The following ZIC5 variants were observed in gnomAD, a reference collection of about 807,000 sequenced individuals.
ZIC5 encodes the protein Zic family zinc finger 5, also known as zinc finger protein ZIC 5.
ZIC5 carries 20 observed loss-of-function variants against 28.5 expected under a neutral mutation model. The ratio of observed to expected loss-of-function variants is 0.70; its 90% CI spans 0.49 to 1.02. The LOEUF is 1.02. ZIC5 is among the 50% of genes least tolerant of loss of function. ZIC5 has a pLI of 0.00. For missense variants in ZIC5, 951 were observed against 899.7 expected (o/e 1.06, Z -0.73); for synonymous variants, 488 against 410.4 (o/e 1.19, Z -2.29).
Position 99,963,771 on chromosome 13 carries a change from A to G in ZIC5, c.*1606T>C, listed in dbSNP as rs2053074994. ...ACTCTTCCAGGAAAGAAAAAAAAAA[A>G]GGATGATGTCTGAAAATAAATTAAT... On this transcript the variant is annotated 3_prime_UTR_variant, in exon 2 of 2. Coordinates refer to ENST00000267294, the MANE Select transcript of ZIC5 (RefSeq NM_033132.5). The G allele has an allele frequency of 6.6e-6, 1 of 152,164 alleles. No individual in the cohort carries two copies. The highest frequency in any genetic ancestry group is 2.1e-4 in the South Asian group (1 of 4,812). The allele number at this position is 152,164 out of a possible 1,614,324, so 9.4% of individuals were successfully genotyped here.
Position 99,971,261 on chromosome 13 carries a change from C to T in ZIC5, c.343G>A (p.Gly115Ser). The T allele has an allele frequency of 7.5e-7, 1 of 1,328,406 alleles. No homozygotes were observed. The highest frequency in any genetic ancestry group is 9.5e-7 in the Non-Finnish European group (1 of 1,048,130). The allele number at this position is 1,328,406 out of a possible 1,614,324, so 82.3% of individuals were successfully genotyped here. A position where few individuals can be genotyped will look rare whatever the true frequency, so the allele number is the denominator to read the frequency against. The change falls in exon 1 of 2, where the codon GGC (glycine) becomes AGC (serine). Residue 115 changes from glycine to serine, a missense_variant. By Grantham distance (56) the Gly-to-Ser change is moderately conservative. This residue lies in a region of ZIC5 where 784 missense variants were observed against 660.1 expected (regional missense o/e 1.19). Transcript: ENST00000267294. ...AHPGAGSYPCGGGSSGAQPSA... is the reference protein window; with the variant it reads ...AHPGAGSYPCSGGSSGAQPSA... ...GGCTGCGCGCCACTGCTGCCCCCGC[C>T]GCAGGGGTAGCTGCCCGCGCCGGGG...
chr13:99,971,398 G>A lies in ZIC5; in HGVS notation c.206C>T (p.Pro69Leu), dbSNP rs1485056176. ...CGTGCTCGCCTGGGCCATGTGCTCGGGTCCGAGCGGAGTGGTGGCCACGCC... is the reference window on the plus strand; with the variant it reads ...CGTGCTCGCCTGGGCCATGTGCTCGAGTCCGAGCGGAGTGGTGGCCACGCC... The part of the protein sequence containing the change: ...DPGVATTPLG[P>L]EHMAQASTLG... The change falls in exon 1 of 2, where the codon CCC (proline) becomes CTC (leucine). Residue 69 changes from proline to leucine, a missense_variant. By Grantham distance (98) the Pro-to-Leu change is moderately conservative (BLOSUM62 -3). Around this residue, in one of 3 missense-constraint regions of ZIC5, gnomAD observed 784 missense variants for 660.1 expected, o/e 1.19. Coordinates refer to ENST00000267294, the MANE Select transcript of ZIC5 (RefSeq NM_033132.5). 4.0e-6 allele frequency: 6 copies of A among 1,518,290 alleles called. No individual in the cohort carries two copies. The highest frequency in any genetic ancestry group is 5.3e-6 in the Non-Finnish European group (6 of 1,138,786). 94.1% of individuals were successfully genotyped at this position (1,518,290 alleles called of 1,614,324 possible). A position where few individuals can be genotyped will look rare whatever the true frequency, so the allele number is the denominator to read the frequency against.
In ZIC5 at chr13:99,971,638, G is replaced by A. The variant is rs2053161940; in HGVS notation, c.-35C>T. On this transcript the variant is annotated 5_prime_UTR_variant, in exon 1 of 2. Transcript: ENST00000267294. ...ACAATCAGGCCCATAGACCCTCACT[G>A]GGGGGACTTTATTCCCTCTGCCCGC... The A allele has an allele frequency of 6.4e-7, 1 of 1,560,222 alleles. No homozygotes were observed. Among genetic ancestry groups the A allele is most frequent in the Non-Finnish European group, 8.7e-7 (1 of 1,151,124 alleles).
chr13:99,970,717 G>T lies in ZIC5; in HGVS notation c.887C>A (p.Ala296Glu), dbSNP rs763979830. 6 of 1,184,324 alleles carry T rather than the reference G, an allele frequency of 5.1e-6. No individual in the cohort carries two copies. Among genetic ancestry groups the T allele is most frequent in the South Asian group, 4.6e-5 (2 of 43,700 alleles). The allele number at this position is 1,184,324 out of a possible 1,614,324, so 73.4% of individuals were successfully genotyped here. Residue 296 changes from alanine (A) to glutamate (E), a missense_variant, in exon 1 of 2, where the codon GCG becomes GAG. Transcript: ENST00000267294. ...TCCGTAGCCGTGCAGGGCGGCCGCC[G>T]CTGCGGCCGCAACCGCCCCGTAGTG... ...DAHYGAVAAA[A>E]AAALHGYGAV...
Position 99,970,714 on chromosome 13 carries a change from G to T in ZIC5, c.890C>A (p.Ala297Glu). Residue 297 changes from alanine (A) to glutamate (E), a missense_variant, in exon 1 of 2, where the codon GCG becomes GAG. Physicochemically the swap from Ala to Glu is moderately radical, Grantham distance 107. Transcript: ENST00000267294. ...AHYGAVAAAAAAALHGYGAVN... is the reference protein window; with the variant it reads ...AHYGAVAAAAEAALHGYGAVN... ...GGCTCCGTAGCCGTGCAGGGCGGCCGCCGCTGCGGCCGCAACCGCCCCGTA... is the reference window on the plus strand; with the variant it reads ...GGCTCCGTAGCCGTGCAGGGCGGCCTCCGCTGCGGCCGCAACCGCCCCGTA... The T allele has an allele frequency of 8.5e-7, 1 of 1,182,972 alleles. No homozygotes were observed. Among genetic ancestry groups the T allele is most frequent in the Non-Finnish European group, 1.0e-6 (1 of 953,530 alleles). The allele number at this position is 1,182,972 out of a possible 1,614,324, so 73.3% of individuals were successfully genotyped here.
Position 99,971,330 on chromosome 13 carries a change from C to T in ZIC5, c.274G>A (p.Glu92Lys). 1 of 1,394,756 alleles carries T rather than the reference C, an allele frequency of 7.2e-7. No individual in the cohort carries two copies. Among genetic ancestry groups the T allele is most frequent in the Admixed American group, 3.6e-5 (1 of 27,524 alleles). The allele number at this position is 1,394,756 out of a possible 1,614,324, so 86.4% of individuals were successfully genotyped here. A position where few individuals can be genotyped will look rare whatever the true frequency, so the allele number is the denominator to read the frequency against. The change falls in exon 1 of 2, where the codon GAG becomes AAG. Residue 92 changes from glutamate (E) to lysine (K), a missense_variant. By Grantham distance (56) the Glu-to-Lys change is moderately conservative. This residue lies in a region of ZIC5 where 784 missense variants were observed against 660.1 expected (regional missense o/e 1.19). Coordinates refer to ENST00000267294, the MANE Select transcript of ZIC5 (RefSeq NM_033132.5). Reference protein sequence around the residue: ...PPSQAFPAHPEAPAAAARAAA... With the variant: ...PPSQAFPAHPKAPAAAARAAA... ...GCACGGGCGGCGGCTGCCGGAGCCT[C>T]CGGGTGTGCCGGGAACGCCTGGGAG...
rs371662709 is a variant in ZIC5, at chr13:99,970,850, G to C, written c.754C>G (p.Pro252Ala). Residue 252 changes from proline (P) to alanine (A), a missense_variant, in exon 1 of 2, where the codon CCG becomes GCG. Transcript: ENST00000267294. The stretch of plus-strand genomic sequence containing the variant: ...CCCAGGCGCATCTGGCCGTTGAGCG[G>C]GTGCGGGTGGCCGCCTGGGGCCCCC... ...TPGAPGGHPH[P>A]LNGQMRLGLA... 6.4e-6 allele frequency: 8 copies of C among 1,255,120 alleles called. No individual in the cohort carries two copies. In the Admixed American group the frequency reaches 3.5e-4, roughly 54 times the overall value. 77.7% of individuals were successfully genotyped at this position (1,255,120 alleles called of 1,614,324 possible).
chr13:99,966,309 G>A (rs1179742634), intron 1 of ZIC5, among the ~76,000 whole-genome samples: 1 of 152,190 alleles, frequency 6.6e-6, no homozygotes, highest in African/African-American at 2.4e-5. Context: ...GTAAACTGGG[G>A]GGTACAGTCA....
rs1428176426 is a variant in ZIC5, at chr13:99,971,350, T to G, written c.254A>C (p.Gln85Pro). ...ASTLGLSPPS[Q>P]AFPAHPEAPA... ...AGCCTCCGGGTGTGCCGGGAACGCC[T>G]GGGAGGGAGGGCTGAGGCCCAGCGT... The change falls in exon 1 of 2, where the codon CAG (glutamine) becomes CCG (proline). Residue 85 changes from glutamine (Q) to proline (P), a missense_variant. Around this residue, in one of 3 missense-constraint regions of ZIC5, gnomAD observed 784 missense variants for 660.1 expected, o/e 1.19. Transcript: ENST00000267294. 1 of 1,430,966 alleles carries G rather than the reference T, an allele frequency of 7.0e-7. No homozygotes were observed. The highest frequency in any genetic ancestry group is 1.5e-5 in the African/African-American group (1 of 66,278). The allele number at this position is 1,430,966 out of a possible 1,614,324, so 88.6% of individuals were successfully genotyped here. A position where few individuals can be genotyped will look rare whatever the true frequency, so the allele number is the denominator to read the frequency against.
At position 99,971,509 on chromosome 13, in the gene ZIC5, A is replaced by G; in HGVS notation, c.95T>C (p.Phe32Ser). ...QVQPLQNMTG[F>S]PALAGPPAHS... ...GGCGGGCGGGCCGGCCAGCGCCGGGAAGCCTGTCATATTCTGAAGCGGCTG... is the reference window on the plus strand; with the variant it reads ...GGCGGGCGGGCCGGCCAGCGCCGGGGAGCCTGTCATATTCTGAAGCGGCTG... The change falls in exon 1 of 2, where the codon TTC (phenylalanine) becomes TCC (serine). Residue 32 changes from phenylalanine to serine, a missense_variant. Phe to Ser is a radical substitution (Grantham distance 155, BLOSUM62 -2). This residue lies in a region of ZIC5 where 784 missense variants were observed against 660.1 expected (regional missense o/e 1.19). Coordinates refer to ENST00000267294, the MANE Select transcript of ZIC5 (RefSeq NM_033132.5). 3 of 1,551,404 alleles carry G rather than the reference A, an allele frequency of 1.9e-6. No homozygotes were observed. Among genetic ancestry groups the G allele is most frequent in the South Asian group, 1.2e-5 (1 of 84,076 alleles).
chr13:99,971,363 T>C lies in ZIC5; in HGVS notation c.241A>G (p.Ser81Gly), dbSNP rs757714807. ...GCCGGGAACGCCTGGGAGGGAGGGC[T>C]GAGGCCCAGCGTGCTCGCCTGGGCC... Reference protein sequence around the residue: ...HMAQASTLGLSPPSQAFPAHP... With the variant: ...HMAQASTLGLGPPSQAFPAHP... Residue 81 changes from serine to glycine, a missense_variant, in exon 1 of 2, where the codon AGC becomes GGC. Transcript: ENST00000267294. 3.4e-6 allele frequency: 5 copies of C among 1,452,806 alleles called. No homozygotes were observed. The highest frequency in any genetic ancestry group is 1.4e-5 in the South Asian group (1 of 69,746). 90.0% of individuals were successfully genotyped at this position (1,452,806 alleles called of 1,614,324 possible).
chr13:99,964,524 T>A lies in ZIC5; in HGVS notation c.*853A>T, dbSNP rs866258592. ...AAACATATAGGAAAAAGAAAGCACT[T>A]GAATTTCTTCTATTTTATAAAATAT... is the stretch of plus-strand genomic sequence containing the variant. On this transcript the variant is annotated 3_prime_UTR_variant, in exon 2 of 2. Coordinates refer to ENST00000267294, the MANE Select transcript of ZIC5 (RefSeq NM_033132.5). 2 of 152,454 alleles carry A rather than the reference T, an allele frequency of 1.3e-5. No homozygotes were observed. Among genetic ancestry groups the A allele is most frequent in the Middle Eastern group, 6.8e-3 (2 of 294 alleles). 9.4% of individuals were successfully genotyped at this position (152,454 alleles called of 1,614,324 possible).
Position 99,971,017 on chromosome 13 carries a change from T to G in ZIC5, c.587A>C (p.Glu196Ala). The G allele has an allele frequency of 1.4e-6, 2 of 1,413,464 alleles. No homozygotes were observed. The highest frequency in any genetic ancestry group is 3.1e-5 in the East Asian group (1 of 32,602). 87.6% of individuals were successfully genotyped at this position (1,413,464 alleles called of 1,614,324 possible). The change falls in exon 1 of 2, where the codon GAG (glutamate) becomes GCG (alanine). Residue 196 changes from glutamate (E) to alanine (A), a missense_variant. Around this residue, in one of 3 missense-constraint regions of ZIC5, gnomAD observed 784 missense variants for 660.1 expected, o/e 1.19. Coordinates refer to ENST00000267294, the MANE Select transcript of ZIC5 (RefSeq NM_033132.5). ...GGGGGAGCCGGTGCCGGACCGCTGC[T>G]CCCCTCCGAGCGGGGCCCCGTGCAT... Reference protein sequence around the residue: ...AAMHGAPLGGEQRSGTGSPQH... With the variant: ...AAMHGAPLGGAQRSGTGSPQH...
intron 1 of ZIC5, among the ~76,000 whole-genome samples, chr13:99,968,181 G>A (rs373887386): frequency 6.6e-6 from 1 of 152,024 alleles, no homozygotes; most frequent in Admixed American, 6.5e-5. Flanking sequence ...GTGGCAGGGA[G>A]GGAAAGAAGT....
intron 1 of ZIC5, among the ~76,000 whole-genome samples, chr13:99,968,064 C>CT (rs2053113646): frequency 6.6e-6 from 1 of 152,184 alleles, no homozygotes; most frequent in Non-Finnish European, 1.5e-5. Flanking sequence ...ATAAACGGGA[C>CT]TGGGGGCACG....
In ZIC5 at chr13:99,965,006, AATATATATATATATGT is replaced by A. The variant is rs1182619002; in HGVS notation, c.*355_*370del. The A allele has an allele frequency of 7.6e-6, 1 of 131,036 alleles. No homozygotes were observed. Among genetic ancestry groups the A allele is most frequent in the Non-Finnish European group, 1.6e-5 (1 of 63,756 alleles). The allele number at this position is 131,036 out of a possible 1,614,324, so 8.1% of individuals were successfully genotyped here. A position where few individuals can be genotyped will look rare whatever the true frequency, so the allele number is the denominator to read the frequency against. On this transcript the variant is annotated 3_prime_UTR_variant, in exon 2 of 2. Transcript: ENST00000267294. ...TTTTTCTCCCCCTTTTAAAAAAAAT[AATATATATATATATGT>A]ATATATATATATATATATATATTGC...
chr13:99,965,662 C>T lies in ZIC5; in HGVS notation c.1635G>A (p.Arg545=), dbSNP rs1390591592. 1 of 1,614,168 alleles carries T rather than the reference C, an allele frequency of 6.2e-7. No homozygotes were observed. The highest frequency in any genetic ancestry group is 1.7e-5 in the Admixed American group (1 of 60,026). The change falls in exon 2 of 2, where the codon AGG becomes AGA. Residue 545 remains arginine, a synonymous_variant. Coordinates refer to ENST00000267294, the MANE Select transcript of ZIC5 (RefSeq NM_033132.5). ...ACTTGCAGTGAATCTTCATGTGCTT[C>T]CTCAGGGAGCTTGGGTGAGTGTAGG... is the stretch of plus-strand genomic sequence containing the variant. ...DKSYTHPSSL[R]KHMKIHCKSP... is the part of the protein sequence containing the mutation.
At position 99,970,456 on chromosome 13, in the gene ZIC5, G is replaced by A. The variant is rs1457739989; in HGVS notation, c.1148C>T (p.Ala383Val). ...ICKWIDPDEL[A>V]GLPPPPPPPP... The stretch of plus-strand genomic sequence containing the variant: ...CGGCGGCGGCGGCGGCGGCAGCCCG[G>A]CCAGCTCGTCGGGGTCGATCCACTT... The change falls in exon 1 of 2, where the codon GCC becomes GTC. Residue 383 changes from alanine to valine, a missense_variant. By Grantham distance (64) the Ala-to-Val change is moderately conservative (BLOSUM62 0). This residue lies in a region of ZIC5 where 784 missense variants were observed against 660.1 expected (regional missense o/e 1.19). Coordinates refer to ENST00000267294, the MANE Select transcript of ZIC5 (RefSeq NM_033132.5). The A allele has an allele frequency of 3.7e-6, 4 of 1,074,502 alleles. No homozygotes were observed. Among genetic ancestry groups the A allele is most frequent in the Admixed American group, 4.8e-5 (1 of 20,640 alleles). The allele number at this position is 1,074,502 out of a possible 1,614,324, so 66.6% of individuals were successfully genotyped here.
At chr13:99,966,401 G>A (rs1371137744) in intron 1 of ZIC5, among the ~76,000 whole-genome samples, 1 of 152,140 alleles carries the variant, frequency 6.6e-6, no homozygotes, top group African/African-American at 2.4e-5. Context: ...CGTGGAGATG[G>A]GAAAGGGAAA....
Sources: gnomAD v4.1 joint callset for allele counts (sites outside exome capture counted in the v4.1 genomes callset) on GRCh38, gnomAD v4.1.1 for gene constraint, gnomAD v4.1.1 regional missense constraint, MANE v1.5 for transcripts, NCBI Gene and HGNC (gene_info 2026-07-23, HGNC 2026-07-21) for gene names.